CHN1: variants seen among roughly 807,000 people sequenced by gnomAD.
CHN1 encodes the protein N-chimaerin.
CHN1 carries 37 observed loss-of-function variants against 59.5 expected under a neutral mutation model. That is an observed-to-expected ratio of 0.62 (90% CI 0.48 to 0.82). The LOEUF (loss-of-function observed/expected upper bound fraction) is 0.82. Ranked by LOEUF, CHN1 falls within the 40% of genes least tolerant of loss-of-function variation. The probability of loss-of-function intolerance (pLI) is 0.00; values close to 1 mark genes in which losing one functional copy is unlikely to be tolerated. For synonymous variants in CHN1, 206 were observed against 200.4 expected, an observed-to-expected ratio of 1.03 and a Z score of -0.24; for missense variants, 469 against 571.0, an observed-to-expected ratio of 0.82 and a Z score of 1.82.
intron 5 of CHN1, among the ~76,000 whole-genome samples, chr2:174,913,845 C>T (rs983556759): frequency 2.6e-5 from 4 of 152,234 alleles, no homozygotes; most frequent in African/African-American, 9.6e-5. Flanking sequence ...CATCAACTTT[C>T]TATCCTCTAT....
chr2:174,902,018 ATTTC>A (rs1688400953), intron 5 of CHN1, among the ~76,000 whole-genome samples: 1 of 152,196 alleles, frequency 6.6e-6, no homozygotes, highest in Non-Finnish European at 1.5e-5. Flanking sequence ...GTATAAAGTC[ATTTC>A]TGTATAACTC....
chr2:174,807,455 T>A (rs1474172042), intron 11 of CHN1, among the ~76,000 whole-genome samples: 3 of 64,634 alleles, frequency 4.6e-5, no homozygotes, highest in African/African-American at 7.6e-5. Context: ...TCTGTGTGTG[T>A]GTGTGTGTGT....
intron 6 of CHN1, among the ~76,000 whole-genome samples, chr2:174,866,680 T>C (rs370616307): frequency 6.6e-6 from 1 of 152,230 alleles, no homozygotes. Flanking sequence ...ATGGAAATTA[T>C]GGAAATCCTT....
chr2:174,945,931 G>GTA lies in CHN1; in HGVS notation c.59-990_59-989dup, dbSNP rs869242436. On this transcript the variant is annotated intron_variant, in intron 2 of 12. Transcript: ENST00000409900. ...AGCCTGTGTGTGTGTGTGTGTGTGT[G>GTA]TATATATATATAAATGTGTGTGTAT... 6.4e-4 allele frequency among the ~76,000 whole-genome samples: 96 copies of GTA among 149,206 alleles called. 2 individuals are homozygous for GTA. In the South Asian group the frequency reaches 0.016, roughly 25 times the overall value.
chr2:174,915,350 C>A (rs1231305564), intron 4 of CHN1, 179 bp from the exon 5 acceptor site: 53 of 593,552 alleles, frequency 8.9e-5, no homozygotes, highest in Non-Finnish European at 7.8e-5. Context: ...TGGCCCCCAG[C>A]CAGCTTCTCT....
chr2:174,915,429 CATCT>C (rs2105370710), intron 4 of CHN1: 1 of 357,230 alleles, frequency 2.8e-6, no homozygotes, highest in East Asian at 4.4e-5. Flanking sequence ...AATTCACATC[CATCT>C]AAGGGAAGAT....
rs143741412 is a variant in CHN1, at chr2:174,922,360, A to G, written c.115-3795T>C. On this transcript the variant is annotated intron_variant, in intron 3 of 12. Transcript: ENST00000409900. The stretch of plus-strand genomic sequence containing the variant: ...TGCACATGTACACATGAAAACATGA[A>G]TAAGAATGTTCTCATATGCACTGTT... Among the ~76,000 whole-genome samples, 3 of 152,326 alleles carry G rather than the reference A, an allele frequency of 2.0e-5. No homozygotes were observed. In the East Asian group the frequency reaches 5.8e-4, roughly 29 times the overall value.
chr2:174,806,812 G>A (rs1253282903), intron 11 of CHN1, among the ~76,000 whole-genome samples: 1 of 152,118 alleles, frequency 6.6e-6, no homozygotes, highest in Non-Finnish European at 1.5e-5. Flanking sequence ...CACATCTAAA[G>A]AATGAAACAG....
At chr2:174,902,140 TTTGTA>T (rs1688404782) in intron 5 of CHN1, among the ~76,000 whole-genome samples, 1 of 152,230 alleles carries the variant, frequency 6.6e-6, no homozygotes, top group African/African-American at 2.4e-5. Flanking sequence ...TAAAATATTT[TTTGTA>T]TTGTATATTT....
At chr2:174,935,240 C>T (rs1574184529) in intron 3 of CHN1, among the ~76,000 whole-genome samples, 1 of 152,336 alleles carries the variant, frequency 6.6e-6, no homozygotes, top group Non-Finnish European at 1.5e-5. Context: ...GCTACCGCTC[C>T]ATTCCCCACC....
At position 174,945,873 on chromosome 2, in the gene CHN1, A is replaced by G. The variant is rs188352911; in HGVS notation, c.59-930T>C. On this transcript the variant is annotated intron_variant, in intron 2 of 12. Transcript: ENST00000409900. ...TACATCATAGGGACATATATAGAAT[A>G]AATACAATTAGACTATACACACATA... Among the ~76,000 whole-genome samples, 53 of 152,210 alleles carry G rather than the reference A, an allele frequency of 3.5e-4. 2 individuals are homozygous for G. Among genetic ancestry groups the G allele is most frequent in the Non-Finnish European group, 2.5e-4 (17 of 68,026 alleles).
Position 174,922,724 on chromosome 2 carries a change from A to T in CHN1, c.115-4159T>A, listed in dbSNP as rs72923148. Among the ~76,000 whole-genome samples the T allele has an allele frequency of 8.0e-5, 12 of 149,952 alleles. No homozygotes were observed. The South Asian group carries it at 8.5e-4, about 11-fold the overall frequency. On this transcript the variant is annotated intron_variant, in intron 3 of 12. Transcript: ENST00000409900. ...TTCATTCATTCACTCATACATACAT[A>T]AAAAAAAAGAAATATTTTAAATATA...
At chr2:174,971,973 C>T (rs1356807617) in intron 1 of CHN1, among the ~76,000 whole-genome samples, 3 of 152,150 alleles carry the variant, frequency 2.0e-5, no homozygotes, top group Non-Finnish European at 4.4e-5. Flanking sequence ...TTCTCAGAGG[C>T]AGATGCAGAT....
intron 3 of CHN1, among the ~76,000 whole-genome samples, chr2:174,920,383 T>C (rs1029526098): frequency 6.6e-6 from 1 of 152,178 alleles, no homozygotes; most frequent in Non-Finnish European, 1.5e-5. Flanking sequence ...GTGGAGAAAC[T>C]GAGCGTCGGA....
chr2:174,939,359 C>G (rs1689590836), intron 3 of CHN1, among the ~76,000 whole-genome samples: 1 of 152,138 alleles, frequency 6.6e-6, no homozygotes. Context: ...CAGGAAAAAA[C>G]TGGATCATAC....
chr2:174,993,695 C>T (rs901403336), intron 1 of CHN1, among the ~76,000 whole-genome samples: 2 of 151,708 alleles, frequency 1.3e-5, no homozygotes, highest in African/African-American at 4.8e-5. Flanking sequence ...GGGAAACAAC[C>T]CAAAGGAGAG....
intron 5 of CHN1, among the ~76,000 whole-genome samples, chr2:174,908,953 G>A (rs888688313): frequency 6.6e-6 from 1 of 152,088 alleles, no homozygotes; most frequent in South Asian, 2.1e-4. Context: ...CTGACCTAAA[G>A]TCAGTTTGGA....
At chr2:174,959,802 G>T (rs2105423635) in intron 1 of CHN1, among the ~76,000 whole-genome samples, 1 of 152,266 alleles carries the variant, frequency 6.6e-6, no homozygotes, top group East Asian at 1.9e-4. Context: ...AGCCTCCCTG[G>T]TACACTAAAT....
intron 4 of CHN1, among the ~76,000 whole-genome samples, chr2:174,917,089 A>G (rs1018693767): frequency 2.6e-5 from 4 of 152,140 alleles, no homozygotes; most frequent in Admixed American, 2.0e-4. Context: ...GCTACTCGGG[A>G]GGCTGAGGTG....
Sources: gnomAD v4.1 joint callset for allele counts (sites outside exome capture counted in the v4.1 genomes callset) on GRCh38, gnomAD v4.1.1 for gene constraint, MANE v1.5 for transcripts, NCBI Gene and HGNC (gene_info 2026-07-23, HGNC 2026-07-21) for gene names.